The following CEP70 variants were observed in gnomAD, a reference collection of about 807,000 sequenced individuals.
CEP70 encodes centrosomal protein of 70 kDa.
CEP70 carries 70 observed loss-of-function variants against 90.9 expected under a neutral mutation model. That is an observed-to-expected ratio of 0.77 (90% CI 0.64 to 0.94). The LOEUF is 0.94. Ranked by LOEUF, CEP70 falls within the 40% of genes least tolerant of loss-of-function variation. The pLI is 0.00. For synonymous variants in CEP70, 220 were observed against 228.3 expected (o/e 0.96, Z 0.33); for missense variants, 648 against 669.0 (o/e 0.97, Z 0.35).
chr3:138,571,422 T>A, intron 3 of CEP70, 66 bp from the exon 4 acceptor site: 2 of 1,085,146 alleles, frequency 1.8e-6, no homozygotes, highest in Non-Finnish European at 2.7e-6. Flanking sequence ...CTCTCATATA[T>A]AATTTCCTGC....
chr3:138,556,687 A>G (rs1444105682), intron 6 of CEP70, among the ~76,000 whole-genome samples: 2 of 152,098 alleles, frequency 1.3e-5, no homozygotes, highest in East Asian at 3.8e-4. Context: ...GGGAGACATC[A>G]CGTCGGTAGG....
chr3:138,518,209 C>T lies in CEP70; in HGVS notation c.944+7281G>A, dbSNP rs57690173. Among the ~76,000 whole-genome samples the T allele has an allele frequency of 7.7e-3, 1,167 of 152,274 alleles. 20 individuals are homozygous for T. The highest frequency in any genetic ancestry group is 0.026 in the African/African-American group (1,086 of 41,548). The stretch of plus-strand genomic sequence containing the variant: ...GAAGCTCGAACTGGGTGGAGCCCAC[C>T]GCAGCTCAAGGAAGCCTGCCTGTCT... On this transcript the variant is annotated intron_variant, in intron 11 of 17. Transcript: ENST00000264982.
intron 11 of CEP70, among the ~76,000 whole-genome samples, chr3:138,510,690 T>C (rs2035446832): frequency 6.6e-6 from 1 of 152,008 alleles, no homozygotes; most frequent in South Asian, 2.1e-4. Flanking sequence ...GAGGGGTAAT[T>C]TGAAGGATTA....
chr3:138,571,927 C>T (rs1387065827), intron 3 of CEP70, among the ~76,000 whole-genome samples: 10 of 152,052 alleles, frequency 6.6e-5, no homozygotes, highest in Non-Finnish European at 1.5e-4. Flanking sequence ...TACAGGCGCC[C>T]GCCACCACGC....
In CEP70 at chr3:138,538,695, T is replaced by A. The variant is rs140479205; in HGVS notation, c.466-1348A>T. 5.6e-3 allele frequency among the ~76,000 whole-genome samples: 854 copies of A among 152,224 alleles called. 7 individuals are homozygous for A. Among genetic ancestry groups the A allele is most frequent in the African/African-American group, 0.02 (822 of 41,520 alleles). On this transcript the variant is annotated intron_variant, in intron 6 of 17. Coordinates refer to ENST00000264982, the MANE Select transcript of CEP70 (RefSeq NM_024491.4). ...AGTGACTGACCCTAACGAGACAGTG[T>A]GGTGAGATTCTTCAGATCAAGAATC...
At chr3:138,590,172 G>C (rs1179276893) in intron 2 of CEP70, among the ~76,000 whole-genome samples, 1 of 151,986 alleles carries the variant, frequency 6.6e-6, no homozygotes, top group African/African-American at 2.4e-5. Context: ...GGTGATTTCA[G>C]AAATATAGTT....
At chr3:138,522,008 G>A (rs1012155147) in intron 11 of CEP70, among the ~76,000 whole-genome samples, 6 of 152,136 alleles carry the variant, frequency 3.9e-5, no homozygotes, top group Admixed American at 1.3e-4. Flanking sequence ...TCTCTGAAAC[G>A]TGCTGTGTCA....
intron 6 of CEP70, among the ~76,000 whole-genome samples, chr3:138,556,134 T>C (rs887329831): frequency 5.9e-5 from 9 of 152,272 alleles, no homozygotes; most frequent in Middle Eastern, 3.4e-3. Flanking sequence ...CTGGACAGGA[T>C]TGTAGACTAT....
intron 11 of CEP70, among the ~76,000 whole-genome samples, chr3:138,523,900 A>G (rs1413249646): frequency 6.6e-6 from 1 of 152,032 alleles, no homozygotes; most frequent in African/African-American, 2.4e-5. Context: ...GAACCAAAAA[A>G]GAGCCCGCAT....
At chr3:138,526,413 G>A (rs964595868) in intron 10 of CEP70, among the ~76,000 whole-genome samples, 9 of 152,128 alleles carry the variant, frequency 5.9e-5, no homozygotes, top group East Asian at 5.8e-4. Flanking sequence ...GGCCTGCTTC[G>A]GCCTCCTAAA....
At chr3:138,497,703 G>C in intron 17 of CEP70, 1 of 985,250 alleles carries the variant, frequency 1.0e-6, no homozygotes, top group African/African-American at 1.7e-5. Context: ...GAGGGAGGAA[G>C]GACCTTCTAA....
At chr3:138,504,717 T>C (rs989946947) in intron 13 of CEP70, among the ~76,000 whole-genome samples, 1 of 152,112 alleles carries the variant, frequency 6.6e-6, no homozygotes, top group African/African-American at 2.4e-5. Context: ...AAATACACAA[T>C]AACTCTATAA....
At chr3:138,505,539 CT>C in intron 12 of CEP70, 74 bp from the exon 13 acceptor site, 1 of 939,782 alleles carries the variant, frequency 1.1e-6, no homozygotes, top group Non-Finnish European at 1.5e-6. Flanking sequence ...TAAAGGAGTG[CT>C]TTATGTCTAT....
chr3:138,500,436 G>A lies in CEP70; in HGVS notation c.1500C>T (p.Asn500=). The A allele has an allele frequency of 3.1e-6, 5 of 1,604,790 alleles. No homozygotes were observed. In the South Asian group the frequency reaches 3.4e-5, roughly 11 times the overall value. ...NEVYTRLGEM[N]NAVRNLQELL... ...GTTCTTGGAGGTTTCTCACAGCATTGTTCATTTCTCCAAGCCTAGTATAAA... is the reference window on the plus strand; with the variant it reads ...GTTCTTGGAGGTTTCTCACAGCATTATTCATTTCTCCAAGCCTAGTATAAA... Residue 500 remains asparagine (N), a synonymous_variant, in exon 15 of 18, where the codon AAC becomes AAT. Coordinates refer to ENST00000264982, the MANE Select transcript of CEP70 (RefSeq NM_024491.4).
intron 8 of CEP70, 49 bp downstream of exon 8, chr3:138,532,465 G>A (rs779828549): frequency 2.1e-6 from 3 of 1,423,568 alleles, no homozygotes; most frequent in Non-Finnish European, 9.3e-7. Context: ...CTTCTGGTGT[G>A]AATACTGGAT....
intron 6 of CEP70, among the ~76,000 whole-genome samples, chr3:138,541,951 T>C (rs939861447): frequency 3.3e-5 from 5 of 152,210 alleles, no homozygotes; most frequent in African/African-American, 1.2e-4. Context: ...AGATCCTCAG[T>C]GTGTCGCTTC....
chr3:138,570,587 T>C, intron 5 of CEP70, 89 bp from the exon 6 acceptor site: 4 of 997,074 alleles, frequency 4.0e-6, no homozygotes, highest in Non-Finnish European at 5.9e-6. Context: ...ATTGCCTTTC[T>C]AAAGTTTCTT....
chr3:138,498,595 A>G lies in CEP70; in HGVS notation c.1653-485T>C, dbSNP rs1042587161. Among the ~76,000 whole-genome samples, 3 of 151,934 alleles carry G rather than the reference A, an allele frequency of 2.0e-5. No homozygotes were observed. In the East Asian group the frequency reaches 5.9e-4, roughly 30 times the overall value. ...GTGATCCGCCCACCTCGGCCTCCCA[A>G]AGTGCTGGGATTACAGGCGTGAGCT... is the stretch of plus-strand genomic sequence containing the variant. On this transcript the variant is annotated intron_variant, in intron 16 of 17. Coordinates refer to ENST00000264982, the MANE Select transcript of CEP70 (RefSeq NM_024491.4).
At chr3:138,588,956 G>A (rs1236177819) in intron 2 of CEP70, among the ~76,000 whole-genome samples, 2 of 152,168 alleles carry the variant, frequency 1.3e-5, no homozygotes, top group Non-Finnish European at 2.9e-5. Context: ...CTGAAAGCCA[G>A]CCATAAAATA....
Sources: allele counts gnomAD v4.1 joint callset (sites outside exome capture counted in the v4.1 genomes callset), GRCh38; gene constraint gnomAD v4.1.1; transcripts MANE v1.5; gene names NCBI Gene and HGNC (gene_info 2026-07-23, HGNC 2026-07-21).